The following SLC35F3 variants were observed in gnomAD, a reference collection of about 807,000 sequenced individuals.
SLC35F3 encodes solute carrier family 35 member F3.
In SLC35F3, 25 loss-of-function variants were observed where a neutral mutation model predicts 49.9. The ratio of observed to expected loss-of-function variants is 0.50; its 90% CI spans 0.37 to 0.70. The LOEUF is 0.70. SLC35F3 is among the 30% of genes least tolerant of loss of function. SLC35F3 has a pLI of 0.00. For missense variants in SLC35F3, 525 were observed against 639.8 expected, an observed-to-expected ratio of 0.82 and a Z score of 1.94; for synonymous variants, 275 against 265.4, an observed-to-expected ratio of 1.04 and a Z score of -0.35.
At chr1:234,146,316 A>C (rs2102906039) in intron 2 of SLC35F3, among the ~76,000 whole-genome samples, 1 of 152,146 alleles carries the variant, frequency 6.6e-6, no homozygotes, top group East Asian at 1.9e-4. Flanking sequence ...TCACAAGACA[A>C]ATATTTTAGC....
intron 2 of SLC35F3, among the ~76,000 whole-genome samples, chr1:233,910,821 T>G (rs974121717): frequency 6.6e-5 from 10 of 152,212 alleles, no homozygotes; most frequent in African/African-American, 2.2e-4. Context: ...TCTGGTATGT[T>G]GAGATTTAAA....
chr1:234,135,927 C>T (rs535101980), intron 2 of SLC35F3, among the ~76,000 whole-genome samples: 16 of 152,336 alleles, frequency 1.1e-4, no homozygotes, highest in South Asian at 8.3e-4. Context: ...TCCCAGTCCT[C>T]CGCTGTGTTA....
At chr1:233,930,110 T>C (rs879285695) in intron 2 of SLC35F3, among the ~76,000 whole-genome samples, 4 of 151,718 alleles carry the variant, frequency 2.6e-5, no homozygotes, top group Non-Finnish European at 4.4e-5. Context: ...GATTCTGCTA[T>C]TGTACTCCAG....
intron 2 of SLC35F3, among the ~76,000 whole-genome samples, chr1:234,123,656 C>A (rs1665608195): frequency 6.6e-6 from 1 of 151,502 alleles, no homozygotes; most frequent in African/African-American, 2.4e-5. Flanking sequence ...GGGCTCAAGA[C>A]AACTGCCTGC....
intron 2 of SLC35F3, among the ~76,000 whole-genome samples, chr1:234,196,666 A>G (rs666263): frequency 0.37 from 55,761 of 152,274 alleles, 17,778 homozygotes; most frequent in East Asian, 0.89. Context: ...TAGGCTGGGC[A>G]TGGTGGCTCA....
chr1:234,177,744 T>A (rs1243937398), intron 2 of SLC35F3, among the ~76,000 whole-genome samples: 1 of 152,186 alleles, frequency 6.6e-6, no homozygotes, highest in Non-Finnish European at 1.5e-5. Context: ...ACTCAGATGG[T>A]CTTTGAAATG....
In SLC35F3 at chr1:234,185,931, T is replaced by C. The variant is rs1666637344; in HGVS notation, c.284-45486T>C. On this transcript the variant is annotated intron_variant, in intron 2 of 7. Coordinates refer to ENST00000366618, the MANE Select transcript of SLC35F3 (RefSeq NM_173508.4). ...ATCACTCTCTTTGAGCAACTCATGA[T>C]GTCCTGCTGGTTTTAACGTTCACTG... Among the ~76,000 whole-genome samples, 5 of 152,364 alleles carry C rather than the reference T, an allele frequency of 3.3e-5. No individual in the cohort carries two copies. In the South Asian group the frequency reaches 1.0e-3, roughly 32 times the overall value.
At chr1:233,996,543 G>GGT (rs1252374027) in intron 2 of SLC35F3, among the ~76,000 whole-genome samples, 1 of 80,260 alleles carries the variant, frequency 1.2e-5, no homozygotes, top group Non-Finnish European at 2.6e-5. Context: ...ATGAGGACTT[G>GGT]GGGGGAATTT....
At position 233,960,847 on chromosome 1, in the gene SLC35F3, T is replaced by C. The variant is rs1038794504; in HGVS notation, c.283+55089T>C. Among the ~76,000 whole-genome samples the C allele has an allele frequency of 2.0e-5, 3 of 151,920 alleles. No individual in the cohort carries two copies. The South Asian group carries it at 6.2e-4, about 32-fold the overall frequency. ...TCTTTCGACCTTGACCTTGCATAACTCATTTTCTCCATTAGCTGAGAGCAT... is the reference window on the plus strand; with the variant it reads ...TCTTTCGACCTTGACCTTGCATAACCCATTTTCTCCATTAGCTGAGAGCAT... On this transcript the variant is annotated intron_variant, in intron 2 of 7. Transcript: ENST00000366618.
chr1:233,938,674 G>GTGGA (rs75278438), intron 2 of SLC35F3, among the ~76,000 whole-genome samples: 17 of 150,232 alleles, frequency 1.1e-4, no homozygotes, highest in Admixed American at 3.3e-4. Flanking sequence ...GGATTGGTGG[G>GTGGA]TGGATGGATG....
At chr1:233,905,804 T>C (rs777359415) in intron 2 of SLC35F3, 46 bp downstream of exon 2, 1 of 1,530,350 alleles carries the variant, frequency 6.5e-7, no homozygotes, top group East Asian at 2.3e-5. Flanking sequence ...GTCCATCTTC[T>C]TACCATTGTC....
chr1:234,256,295 T>G (rs924960722), intron 3 of SLC35F3, among the ~76,000 whole-genome samples: 1 of 152,202 alleles, frequency 6.6e-6, no homozygotes, highest in Non-Finnish European at 1.5e-5. Context: ...ATATCTTGAC[T>G]GTGGCTGAGA....
At position 233,904,702 on chromosome 1, in the gene SLC35F3, G is replaced by A. The variant is rs1571972399; in HGVS notation, c.-376G>A. 6.6e-6 allele frequency among the ~76,000 whole-genome samples: 1 copy of A among 151,854 alleles called. No individual in the cohort carries two copies. Among genetic ancestry groups the A allele is most frequent in the Non-Finnish European group, 1.5e-5 (1 of 67,928 alleles). On this transcript the variant is annotated 5_prime_UTR_variant, in exon 1 of 8. In the 5' UTR this introduces an upstream ATG that the reference lacks. Transcript: ENST00000366618. ...ACCCGACGCCTCCCCGCCCGACCAG[G>A]TGCCTCGAGAGCGCACAGCTGGGAG... is the stretch of plus-strand genomic sequence containing the variant.
intron 2 of SLC35F3, among the ~76,000 whole-genome samples, chr1:233,985,918 T>G (rs1663259548): frequency 6.6e-6 from 1 of 152,226 alleles, no homozygotes; most frequent in Non-Finnish European, 1.5e-5. Context: ...AGTGTCTTCC[T>G]TTGTAGTATA....
chr1:234,196,189 C>T (rs1666807375), intron 2 of SLC35F3, among the ~76,000 whole-genome samples: 1 of 152,172 alleles, frequency 6.6e-6, no homozygotes, highest in Admixed American at 6.5e-5. Flanking sequence ...ATGGCAACAC[C>T]CAAAAATTAC....
At chr1:234,111,577 G>A (rs1665406402) in intron 2 of SLC35F3, among the ~76,000 whole-genome samples, 1 of 152,226 alleles carries the variant, frequency 6.6e-6, no homozygotes, top group South Asian at 2.1e-4. Flanking sequence ...ACAGGCGTGA[G>A]CCGCTGCGCC....
At chr1:233,917,557 T>C (rs994275043) in intron 2 of SLC35F3, among the ~76,000 whole-genome samples, 2 of 152,336 alleles carry the variant, frequency 1.3e-5, no homozygotes, top group Non-Finnish European at 2.9e-5. Context: ...CAGCATTCTC[T>C]TTCTTTCCAG....
At chr1:234,126,810 C>T (rs1665655305) in intron 2 of SLC35F3, among the ~76,000 whole-genome samples, 1 of 152,210 alleles carries the variant, frequency 6.6e-6, no homozygotes, top group South Asian at 2.1e-4. Flanking sequence ...ATCTTCCCAT[C>T]TCAGCCTCCC....
chr1:233,949,319 C>T (rs1558186799), intron 2 of SLC35F3, among the ~76,000 whole-genome samples: 2 of 152,194 alleles, frequency 1.3e-5, no homozygotes, highest in Non-Finnish European at 2.9e-5. Flanking sequence ...GCTCCTACAT[C>T]CTTCCTGGTG....
Sources: gnomAD v4.1 joint callset for allele counts (sites outside exome capture counted in the v4.1 genomes callset) on GRCh38, gnomAD v4.1.1 for gene constraint, MANE v1.5 for transcripts, NCBI Gene and HGNC (gene_info 2026-07-23, HGNC 2026-07-21) for gene names.